APBA1: variants seen among roughly 807,000 people sequenced by gnomAD.
APBA1 encodes amyloid-beta A4 precursor protein-binding family A member 1.
APBA1 carries 55 observed loss-of-function variants against 86.6 expected under a neutral mutation model. That is an observed-to-expected ratio of 0.64 (90% CI 0.51 to 0.80). The LOEUF (loss-of-function observed/expected upper bound fraction) is 0.80, where lower values mean the gene tolerates loss of function less well. Ranked by LOEUF, APBA1 falls within the 30% of genes least tolerant of loss-of-function variation. The pLI, the probability that APBA1 is intolerant of heterozygous loss-of-function variation, is 0.00. For synonymous variants in APBA1, 511 were observed against 493.9 expected (o/e 1.03, Z -0.46); for missense variants, 1,090 against 1,183.0 (o/e 0.92, Z 1.15).
intron 1 of APBA1, among the ~76,000 whole-genome samples, chr9:69,519,149 T>C (rs905012387): frequency 1.3e-5 from 2 of 152,226 alleles, no homozygotes; most frequent in African/African-American, 4.8e-5. Flanking sequence ...CAAAAGCAAG[T>C]ATGAATCTCC....
rs561389377 is a variant in APBA1, at chr9:69,484,589, C to A, written c.1201-8446G>T. On this transcript the variant is annotated intron_variant, in intron 2 of 12. Coordinates refer to ENST00000265381, the MANE Select transcript of APBA1 (RefSeq NM_001163.4). ...ACATTCAATGTTCAGCTCAAAAGCA[C>A]TCATCTTGCTGAAGCTTCCGCAGAC... Among the ~76,000 whole-genome samples the A allele has an allele frequency of 3.3e-5, 5 of 152,278 alleles. No individual in the cohort carries two copies. In the South Asian group the frequency reaches 1.0e-3, roughly 32 times the overall value.
intron 10 of APBA1, among the ~76,000 whole-genome samples, chr9:69,448,797 T>A (rs999568154): frequency 1.3e-5 from 2 of 152,154 alleles, no homozygotes; most frequent in African/African-American, 4.8e-5. Context: ...CAGCACTTGG[T>A]GCAGAGCTAC....
rs569998326 is a variant in APBA1, at chr9:69,531,195, A to G, written c.-69-13916T>C. Among the ~76,000 whole-genome samples the G allele has an allele frequency of 2.6e-5, 4 of 152,280 alleles. No individual in the cohort carries two copies. The South Asian group carries it at 6.2e-4, about 24-fold the overall frequency. ...TAGCCCCACTTCGAGTTTGACAGTT[A>G]CACATGGCTAGTGGCTACCATGACA... is the stretch of plus-strand genomic sequence containing the variant. On this transcript the variant is annotated intron_variant, in intron 1 of 12. Coordinates refer to ENST00000265381, the MANE Select transcript of APBA1 (RefSeq NM_001163.4).
intron 10 of APBA1, among the ~76,000 whole-genome samples, chr9:69,447,961 A>G (rs1390439191): frequency 6.6e-6 from 1 of 152,020 alleles, no homozygotes; most frequent in Non-Finnish European, 1.5e-5. Context: ...GGTGTTTAAT[A>G]AGCAACTTGC....
chr9:69,523,550 C>G (rs1836297765), intron 1 of APBA1, among the ~76,000 whole-genome samples: 1 of 135,730 alleles, frequency 7.4e-6, no homozygotes, highest in Non-Finnish European at 1.6e-5. Context: ...CACACACACA[C>G]ACACCCAACA....
At chr9:69,581,034 C>T (rs150975274) in intron 1 of APBA1, among the ~76,000 whole-genome samples, 1 of 152,252 alleles carries the variant, frequency 6.6e-6, no homozygotes, top group Non-Finnish European at 1.5e-5. Flanking sequence ...CAGCAGGGGA[C>T]ACAGATCAAA....
intron 4 of APBA1, among the ~76,000 whole-genome samples, chr9:69,471,249 A>G (rs939716191): frequency 6.6e-6 from 1 of 152,342 alleles, no homozygotes; most frequent in Non-Finnish European, 1.5e-5. Flanking sequence ...ATTGCTGGGA[A>G]GGTTTTTCTT....
chr9:69,528,885 C>G (rs1836382769), intron 1 of APBA1, among the ~76,000 whole-genome samples: 1 of 151,912 alleles, frequency 6.6e-6, no homozygotes, highest in African/African-American at 2.4e-5. Context: ...TGATATCAGG[C>G]AAATAACGAA....
chr9:69,621,582 T>C (rs927375677), intron 1 of APBA1, among the ~76,000 whole-genome samples: 2 of 152,356 alleles, frequency 1.3e-5, no homozygotes, highest in Middle Eastern at 3.4e-3. Context: ...GAGCAAGTTA[T>C]TTATTCTCTT....
At chr9:69,489,587 C>T (rs1005100794) in intron 2 of APBA1, among the ~76,000 whole-genome samples, 1 of 151,972 alleles carries the variant, frequency 6.6e-6, no homozygotes, top group African/African-American at 2.4e-5. Flanking sequence ...TGACAAAGGG[C>T]TAATATTCAG....
intron 1 of APBA1, among the ~76,000 whole-genome samples, chr9:69,534,284 C>CAAT (rs544785393): frequency 1.6e-4 from 24 of 152,288 alleles, no homozygotes; most frequent in Admixed American, 9.8e-4. Flanking sequence ...TCACCCTTCA[C>CAAT]AATACAGCAT....
chr9:69,448,202 C>T (rs1834944140), intron 10 of APBA1, among the ~76,000 whole-genome samples: 1 of 152,240 alleles, frequency 6.6e-6, no homozygotes, highest in African/African-American at 2.4e-5. Flanking sequence ...TTTAAAATCA[C>T]ATAAAATTGT....
intron 11 of APBA1, among the ~76,000 whole-genome samples, chr9:69,435,276 G>A (rs150315971): frequency 0.013 from 1,966 of 152,236 alleles, 38 homozygotes; most frequent in African/African-American, 0.044. Context: ...TGTCTTTGCA[G>A]CAGCATGATT....
At chr9:69,500,896 T>C (rs10283713) in intron 2 of APBA1, among the ~76,000 whole-genome samples, 22,762 of 152,026 alleles carry the variant, frequency 0.15, 2,313 homozygotes, top group East Asian at 0.28. Context: ...ACATTTAGCA[T>C]TTTTCATTTT....
intron 1 of APBA1, among the ~76,000 whole-genome samples, chr9:69,668,712 C>T (rs746995159): frequency 5.3e-5 from 8 of 152,154 alleles, no homozygotes; most frequent in Non-Finnish European, 1.2e-4. Context: ...TCCCTCATTA[C>T]ATCTCTTGGC....
At chr9:69,529,582 C>T (rs888531324) in intron 1 of APBA1, among the ~76,000 whole-genome samples, 1 of 152,128 alleles carries the variant, frequency 6.6e-6, no homozygotes, top group Non-Finnish European at 1.5e-5. Context: ...CATTTATACT[C>T]TTCTAGTTCA....
chr9:69,605,661 G>A lies in APBA1; in HGVS notation c.-70+66492C>T, dbSNP rs551383886. Reference sequence around the variant, plus strand: ...GCCCTTTGAGCTGCTGACTATTAAGGGAAAGCCATTTGATGCCAGGCACTA... The same window carrying A: ...GCCCTTTGAGCTGCTGACTATTAAGAGAAAGCCATTTGATGCCAGGCACTA... On this transcript the variant is annotated intron_variant, in intron 1 of 12. Coordinates refer to ENST00000265381, the MANE Select transcript of APBA1 (RefSeq NM_001163.4). Among the ~76,000 whole-genome samples the A allele has an allele frequency of 4.6e-5, 7 of 152,308 alleles. No individual in the cohort carries two copies. In the South Asian group the frequency reaches 1.2e-3, roughly 27 times the overall value.
intron 2 of APBA1, among the ~76,000 whole-genome samples, chr9:69,497,233 A>G (rs4744570): frequency 0.15 from 23,240 of 151,996 alleles, 2,457 homozygotes; most frequent in East Asian, 0.27. Flanking sequence ...CCCCAGCAGC[A>G]CAAAGGCGGT....
chr9:69,488,787 C>T (rs1253332524), intron 2 of APBA1, among the ~76,000 whole-genome samples: 1 of 152,124 alleles, frequency 6.6e-6, no homozygotes, highest in African/African-American at 2.4e-5. Flanking sequence ...TCAGCAAAGT[C>T]TCAGGATACA....
Sources: gnomAD v4.1 joint callset for allele counts (sites outside exome capture counted in the v4.1 genomes callset) on GRCh38, gnomAD v4.1.1 for gene constraint, MANE v1.5 for transcripts, NCBI Gene and HGNC (gene_info 2026-07-23, HGNC 2026-07-21) for gene names.